Variants in CAMK2B observed in about 807,000 individuals in gnomAD.
The protein encoded by CAMK2B is calcium/calmodulin dependent protein kinase II beta, also known as calcium/calmodulin-dependent protein kinase type II subunit beta.
CAMK2B carries 27 observed loss-of-function variants against 93.7 expected under a neutral mutation model. The observed-to-expected ratio is 0.29, with a 90% confidence interval of 0.21 to 0.40. CAMK2B has a LOEUF of 0.40. Among genes scored for constraint, CAMK2B ranks in the 10% least tolerant of loss-of-function variants. The probability of loss-of-function intolerance (pLI) is 1.00; values close to 1 mark genes in which losing one functional copy is unlikely to be tolerated. For synonymous variants in CAMK2B, 374 were observed against 358.8 expected, an observed-to-expected ratio of 1.04 and a Z score of -0.48; for missense variants, 568 against 895.8, an observed-to-expected ratio of 0.63 and a Z score of 4.67.
intron 5 of CAMK2B, among the ~76,000 whole-genome samples, chr7:44,247,633 G>A (rs2096744600): frequency 6.6e-6 from 1 of 152,234 alleles, no homozygotes; most frequent in South Asian, 2.1e-4. Flanking sequence ...GGTGGGGGCA[G>A]GGGGCTGCCC....
chr7:44,275,316 AC>A (rs2097023589), intron 2 of CAMK2B, among the ~76,000 whole-genome samples: 1 of 152,182 alleles, frequency 6.6e-6, no homozygotes, highest in African/African-American at 2.4e-5. Context: ...ACAGGGCCAC[AC>A]CCAGAACCAG....
In CAMK2B at chr7:44,312,621, C is replaced by G. The variant is rs1024889398; in HGVS notation, c.65+12736G>C. Among the ~76,000 whole-genome samples the G allele has an allele frequency of 6.6e-6, 1 of 151,480 alleles. No homozygotes were observed. The highest frequency in any genetic ancestry group is 2.4e-5 in the African/African-American group (1 of 41,160). On this transcript the variant is annotated intron_variant, in intron 1 of 23. Coordinates refer to ENST00000395749, the MANE Select transcript of CAMK2B (RefSeq NM_001220.5). This position sits in a 1 kb window ranked among gnomAD's most constrained non-coding sequence, Gnocchi z 4.1. Reference sequence around the variant, plus strand: ...GAAGAGCCTAGAAAAGACCAGGAAGCAAAAGAGGGAGGAAAAGTGGAAACA... The same window carrying G: ...GAAGAGCCTAGAAAAGACCAGGAAGGAAAAGAGGGAGGAAAAGTGGAAACA...
chr7:44,222,309 C>T (rs2096418226), intron 20 of CAMK2B, among the ~76,000 whole-genome samples: 1 of 152,234 alleles, frequency 6.6e-6, no homozygotes, highest in Non-Finnish European at 1.5e-5. Context: ...AAACAGCTGC[C>T]CGCCCTGCAG....
intron 20 of CAMK2B, among the ~76,000 whole-genome samples, chr7:44,222,437 G>C (rs1041146118): frequency 6.6e-6 from 1 of 151,962 alleles, no homozygotes; most frequent in African/African-American, 2.4e-5. Context: ...CCAGAGGAGG[G>C]AATTCTTTTT....
chr7:44,224,091 G>T lies in CAMK2B; in HGVS notation c.1597+2425C>A, dbSNP rs1357020870. On this transcript the variant is annotated intron_variant, in intron 20 of 23. Coordinates refer to ENST00000395749, the MANE Select transcript of CAMK2B (RefSeq NM_001220.5). This position sits in a 1 kb window ranked among gnomAD's most constrained non-coding sequence, Gnocchi z 4.4. ...ATTAAAATGGGAGTTGATGGGAAGA[G>T]AAAGCGTGAAGTAAACAGAAGAGGA... Among the ~76,000 whole-genome samples the T allele has an allele frequency of 6.6e-6, 1 of 152,264 alleles. No homozygotes were observed. The highest frequency in any genetic ancestry group is 1.5e-5 in the Non-Finnish European group (1 of 68,052).
At chr7:44,284,335 G>A (rs919297741) in intron 1 of CAMK2B, 110 bp from the exon 2 acceptor site, 14 of 800,690 alleles carry the variant, frequency 1.7e-5, no homozygotes, top group Admixed American at 2.4e-5. Flanking sequence ...TTCAGCCACC[G>A]GCCCGGCCTC....
At chr7:44,234,536 G>T in intron 14 of CAMK2B, 75 bp from the exon 15 acceptor site, 1 of 1,587,790 alleles carries the variant, frequency 6.3e-7, no homozygotes, top group South Asian at 1.1e-5. Flanking sequence ...GTGTCTCTCA[G>T]GGCATGGGGG....
chr7:44,268,577 G>A (rs998786781), intron 2 of CAMK2B: 1 of 152,308 alleles, frequency 6.6e-6, no homozygotes, highest in Admixed American at 6.5e-5. Flanking sequence ...GAAAGACAAG[G>A]TCGGGTTATG....
At chr7:44,240,809 G>T in intron 11 of CAMK2B, 60 bp from the exon 12 acceptor site, 2 of 1,559,950 alleles carry the variant, frequency 1.3e-6, no homozygotes, top group Non-Finnish European at 1.8e-6. Context: ...CTGGCTTCTG[G>T]CCAGGATAAG....
intron 19 of CAMK2B, 79 bp downstream of exon 19, chr7:44,228,717 G>A (rs1043952227): frequency 3.0e-6 from 4 of 1,333,524 alleles, no homozygotes; most frequent in African/African-American, 3.0e-5. Flanking sequence ...GTGCATGCAG[G>A]TGGGAAGCTG....
intron 2 of CAMK2B, among the ~76,000 whole-genome samples, chr7:44,283,857 G>A (rs1485338776): frequency 6.6e-6 from 1 of 152,210 alleles, no homozygotes; most frequent in African/African-American, 2.4e-5. Flanking sequence ...AGAGCACAAA[G>A]GTGCATCCAA....
intron 2 of CAMK2B, among the ~76,000 whole-genome samples, chr7:44,282,972 G>C (rs2129098473): frequency 6.6e-6 from 1 of 152,308 alleles, no homozygotes; most frequent in African/African-American, 2.4e-5. Flanking sequence ...GCAGACAGGG[G>C]CTTCGCTTGG....
chr7:44,313,120 G>A (rs1793983056), intron 1 of CAMK2B, among the ~76,000 whole-genome samples: 1 of 152,058 alleles, frequency 6.6e-6, no homozygotes, highest in Non-Finnish European at 1.5e-5. Context: ...CCCCTGATGG[G>A]CTCCTGGCAT....
chr7:44,232,925 G>C, intron 15 of CAMK2B, 59 bp from the exon 16 acceptor site: 838 of 1,453,234 alleles, frequency 5.8e-4, no homozygotes, highest in Non-Finnish European at 7.3e-4. Flanking sequence ...AGAGGAGGAA[G>C]CGGAGACCAC....
At position 44,312,384 on chromosome 7, in the gene CAMK2B, G is replaced by C. The variant is rs1793781359; in HGVS notation, c.65+12973C>G. The stretch of plus-strand genomic sequence containing the variant: ...AGCCCCAGAACGGCCTTCAGAGCTA[G>C]GGACAAGCCACCGAGTACCTGGGAG... On this transcript the variant is annotated intron_variant, in intron 1 of 23. Transcript: ENST00000395749. This position sits in a 1 kb window ranked among gnomAD's most constrained non-coding sequence, Gnocchi z 4.1. Among the ~76,000 whole-genome samples, 3 of 152,176 alleles carry C rather than the reference G, an allele frequency of 2.0e-5. No individual in the cohort carries two copies. The highest frequency in any genetic ancestry group is 2.0e-4 in the Admixed American group (3 of 15,276).
intron 17 of CAMK2B, chr7:44,229,726 C>A (rs1440425078): frequency 3.3e-5 from 15 of 447,800 alleles, no homozygotes; most frequent in African/African-American, 2.7e-4. Flanking sequence ...GGTGCCAGAG[C>A]CAGAGCCAGC....
intron 2 of CAMK2B, among the ~76,000 whole-genome samples, chr7:44,276,569 T>A (rs10267121): frequency 1.3e-5 from 2 of 152,094 alleles, no homozygotes; most frequent in African/African-American, 4.8e-5. Flanking sequence ...CTGTCCATCA[T>A]GCCTTTGGGC....
In CAMK2B at chr7:44,248,631, C is replaced by T. The variant is rs924351901; in HGVS notation, c.342-1439G>A. On this transcript the variant is annotated intron_variant, in intron 5 of 23. Coordinates refer to ENST00000395749, the MANE Select transcript of CAMK2B (RefSeq NM_001220.5). This position sits in a 1 kb window ranked among gnomAD's most constrained non-coding sequence, Gnocchi z 4.1. The stretch of plus-strand genomic sequence containing the variant: ...AGATCCTTGGGGACAGGAGGGTGAC[C>T]AGGGTCAGCAAGATGAGTGGGCTTT... Among the ~76,000 whole-genome samples the T allele has an allele frequency of 3.9e-5, 6 of 152,170 alleles. No individual in the cohort carries two copies. The highest frequency in any genetic ancestry group is 3.3e-4 in the Admixed American group (5 of 15,280).
chr7:44,276,800 G>A (rs1304754551), intron 2 of CAMK2B, among the ~76,000 whole-genome samples: 5 of 152,216 alleles, frequency 3.3e-5, no homozygotes, highest in African/African-American at 4.8e-5. Flanking sequence ...CCTCAGCTGG[G>A]TGAAATCTAG....
Sources: gnomAD v4.1 joint callset for allele counts (sites outside exome capture counted in the v4.1 genomes callset) on GRCh38, gnomAD v4.1.1 for gene constraint, Gnocchi (gnomAD v3.1) non-coding constraint, MANE v1.5 for transcripts, NCBI Gene and HGNC (gene_info 2026-07-23, HGNC 2026-07-21) for gene names.